The following RYR2 variants were observed in gnomAD, a reference collection of about 807,000 sequenced individuals.
RYR2 encodes ryanodine receptor 2, also known as cardiac muscle ryanodine receptor-calcium release channel.
A neutral mutation model predicts 601.1 loss-of-function variants in RYR2; 227 were observed. The observed-to-expected ratio is 0.38, with a 90% CI of 0.34 to 0.42. The LOEUF (loss-of-function observed/expected upper bound fraction) is 0.42, where lower values mean the gene tolerates loss of function less well. RYR2 is among the 10% of genes least tolerant of loss of function. The pLI is 1.00. For synonymous variants in RYR2, 2,223 were observed against 2,175.1 expected (o/e 1.02, Z -0.61); for missense variants, 4,646 against 6,156.5 (o/e 0.75, Z 8.21).
At chr1:237,817,903 A>T (rs553916911) in intron 100 of RYR2, among the ~76,000 whole-genome samples, 15 of 152,334 alleles carry the variant, frequency 9.8e-5, no homozygotes, top group African/African-American at 3.6e-4. Flanking sequence ...TATCTGGAAC[A>T]GTCTAAGAAA....
rs377407067 is a variant in RYR2, at chr1:237,833,281, G to GAA, written c.*645_*646dup. ...AAGAAAAGCAGTTTGCACTTAAAAA[G>GAA]AAAAAAAAAAAACGGGTGGTGTGTC... On this transcript the variant is annotated 3_prime_UTR_variant, in exon 105 of 105. Coordinates refer to ENST00000366574, the MANE Select transcript of RYR2 (RefSeq NM_001035.3). 7.4e-3 allele frequency: 829 copies of GAA among 111,666 alleles called. 13 individuals carry two copies. The highest frequency in any genetic ancestry group is 0.028 in the Middle Eastern group (6 of 212). The allele number at this position is 111,666 out of a possible 1,614,324, so 6.9% of individuals were successfully genotyped here.
intron 80 of RYR2, among the ~76,000 whole-genome samples, chr1:237,752,646 C>T (rs1432069838): frequency 2.6e-5 from 4 of 152,102 alleles, no homozygotes; most frequent in Non-Finnish European, 2.9e-5. Context: ...CTTTTGACTT[C>T]CCTTAGTCTG....
intron 29 of RYR2, among the ~76,000 whole-genome samples, chr1:237,588,592 G>A (rs1674793115): frequency 6.6e-6 from 1 of 152,250 alleles, no homozygotes; most frequent in East Asian, 1.9e-4. Context: ...CAGCACTTCG[G>A]GAGGCCAAGG....
At chr1:237,329,425 G>A (rs951284409) in intron 2 of RYR2, among the ~76,000 whole-genome samples, 4 of 152,006 alleles carry the variant, frequency 2.6e-5, no homozygotes, top group Admixed American at 2.0e-4. Context: ...GGCGGATCAC[G>A]AGGTCAAGAG....
At chr1:237,264,863 T>A (rs1370357101) in intron 1 of RYR2, among the ~76,000 whole-genome samples, 1 of 151,648 alleles carries the variant, frequency 6.6e-6, no homozygotes, top group Admixed American at 6.6e-5. Context: ...GCCTGGTTAA[T>A]TTTTGTATTT....
chr1:237,642,053 T>G (rs1421105125), intron 47 of RYR2, among the ~76,000 whole-genome samples: 1 of 152,208 alleles, frequency 6.6e-6, no homozygotes, highest in East Asian at 1.9e-4. Flanking sequence ...ACCCAGAGTT[T>G]GAGAGTTTGA....
At chr1:237,506,096 A>G (rs964936181) in intron 22 of RYR2, among the ~76,000 whole-genome samples, 3 of 151,806 alleles carry the variant, frequency 2.0e-5, no homozygotes, top group Middle Eastern at 3.5e-3. Context: ...CTCATTTTAA[A>G]TTATACATTC....
At chr1:237,738,748 T>C (rs1691357879) in intron 79 of RYR2, among the ~76,000 whole-genome samples, 1 of 152,166 alleles carries the variant, frequency 6.6e-6, no homozygotes, top group Non-Finnish European at 1.5e-5. Flanking sequence ...CCATTTACCT[T>C]TTTCGTTGAT....
intron 38 of RYR2, among the ~76,000 whole-genome samples, chr1:237,620,586 G>T (rs1277192973): frequency 6.6e-6 from 1 of 151,892 alleles, no homozygotes; most frequent in Non-Finnish European, 1.5e-5. Context: ...AATGTATACA[G>T]ATTAAAAGGG....
rs531176750 is a variant in RYR2 at position 237,395,828 on chromosome 1, G to A, written c.773+7645G>A. Among the ~76,000 whole-genome samples the A allele has an allele frequency of 2.7e-3, 417 of 152,174 alleles. 2 individuals are homozygous for A. The highest frequency in any genetic ancestry group is 9.0e-3 in the African/African-American group (375 of 41,518). ...CCCAAAGTGCTGGGATTACAGGCAT[G>A]AGCCACCACGCCCAGCCAGGACTAT... On this transcript the variant is annotated intron_variant, in intron 10 of 104. Coordinates refer to ENST00000366574, the MANE Select transcript of RYR2 (RefSeq NM_001035.3).
chr1:237,128,955 G>A (rs1028547185), intron 1 of RYR2, among the ~76,000 whole-genome samples: 2 of 152,018 alleles, frequency 1.3e-5, no homozygotes, highest in Non-Finnish European at 2.9e-5. Flanking sequence ...GAAGGATAGA[G>A]CTGCCATTTT....
intron 63 of RYR2, among the ~76,000 whole-genome samples, chr1:237,695,456 GTGA>G (rs1558235618): frequency 1.3e-5 from 2 of 152,150 alleles, no homozygotes; most frequent in African/African-American, 2.4e-5. Flanking sequence ...TTGAAATACT[GTGA>G]GTTGAAAAGT....
intron 1 of RYR2, among the ~76,000 whole-genome samples, chr1:237,155,403 C>T (rs1401256755): frequency 2.0e-5 from 3 of 151,924 alleles, no homozygotes; most frequent in Admixed American, 1.3e-4. Flanking sequence ...GTCTTGATCT[C>T]CTGACCTTGT....
chr1:237,235,566 GGTGGA>G (rs899481632), intron 1 of RYR2, among the ~76,000 whole-genome samples: 13 of 152,198 alleles, frequency 8.5e-5, no homozygotes, highest in African/African-American at 3.1e-4. Context: ...AGTTGGAGTT[GGTGGA>G]GTGAACTGCT....
chr1:237,165,740 G>T (rs989159193), intron 1 of RYR2, among the ~76,000 whole-genome samples: 2 of 152,020 alleles, frequency 1.3e-5, no homozygotes, highest in African/African-American at 4.8e-5. Flanking sequence ...GGTGAGAAGT[G>T]CCTGTAGTCC....
intron 29 of RYR2, among the ~76,000 whole-genome samples, chr1:237,572,834 G>A (rs1189634582): frequency 1.3e-5 from 2 of 151,964 alleles, no homozygotes; most frequent in Non-Finnish European, 2.9e-5. Flanking sequence ...ATGCTTTTTG[G>A]TACTGGAATA....
intron 1 of RYR2, among the ~76,000 whole-genome samples, chr1:237,111,487 CTG>C (rs1669463603): frequency 6.6e-6 from 1 of 150,966 alleles, no homozygotes; most frequent in Admixed American, 6.6e-5. Context: ...ACTCAGGAGA[CTG>C]TGGGAGGAGA....
At chr1:237,667,852 T>C (rs761920287) in intron 57 of RYR2, 31 bp from the exon 58 acceptor site, 3 of 1,491,262 alleles carry the variant, frequency 2.0e-6, no homozygotes, top group Admixed American at 2.0e-5. Context: ...TTTTTACTTA[T>C]TGAAACGATA....
intron 2 of RYR2, among the ~76,000 whole-genome samples, chr1:237,277,662 A>G (rs1401604181): frequency 6.6e-6 from 1 of 152,076 alleles, no homozygotes; most frequent in Non-Finnish European, 1.5e-5. Context: ...CTCTACAAAA[A>G]TTTAAAAATT....
Sources: allele counts gnomAD v4.1 joint callset (sites outside exome capture counted in the v4.1 genomes callset), GRCh38; gene constraint gnomAD v4.1.1; transcripts MANE v1.5; gene names NCBI Gene and HGNC (gene_info 2026-07-23, HGNC 2026-07-21).